Variants in CNTNAP2 observed in about 807,000 individuals in gnomAD.
The protein encoded by CNTNAP2 is contactin associated protein 2, also known as contactin-associated protein-like 2.
Under a neutral mutation model 155.2 loss-of-function variants are expected in CNTNAP2, and 98 were observed. The ratio of observed to expected loss-of-function variants is 0.63; its 90% CI spans 0.54 to 0.75. The LOEUF (loss-of-function observed/expected upper bound fraction) is 0.75. CNTNAP2 is among the 30% of genes least tolerant of loss of function. CNTNAP2 has a pLI of 0.00. For synonymous variants in CNTNAP2, 651 were observed against 631.2 expected (o/e 1.03, Z -0.47); for missense variants, 1,727 against 1,688.1 (o/e 1.02, Z -0.40).
chr7:147,395,898 A>C (rs1156508316), intron 10 of CNTNAP2, 118 bp downstream of exon 10: 4 of 1,105,158 alleles, frequency 3.6e-6, no homozygotes, highest in Non-Finnish European at 4.1e-6. Context: ...TAAGGTGGAA[A>C]TTACCATTCA....
chr7:147,409,765 G>A (rs1363991764), intron 10 of CNTNAP2, among the ~76,000 whole-genome samples: 1 of 149,540 alleles, frequency 6.7e-6, no homozygotes, highest in African/African-American at 2.5e-5. Context: ...TTCACAAGAA[G>A]ACATACTTGA....
chr7:148,398,609 T>A (rs1037097482), intron 22 of CNTNAP2, among the ~76,000 whole-genome samples: 3 of 152,184 alleles, frequency 2.0e-5, no homozygotes, highest in Non-Finnish European at 4.4e-5. Flanking sequence ...CATCCTTGCT[T>A]GAGTCCTAAA....
chr7:147,266,398 G>C (rs1418305781), intron 8 of CNTNAP2, among the ~76,000 whole-genome samples: 1 of 152,176 alleles, frequency 6.6e-6, no homozygotes, highest in African/African-American at 2.4e-5. Context: ...AAAAGTTGTA[G>C]AGGCAGCCCC....
At chr7:148,211,068 C>T (rs762222180) in intron 18 of CNTNAP2, among the ~76,000 whole-genome samples, 4 of 152,180 alleles carry the variant, frequency 2.6e-5, no homozygotes, top group African/African-American at 4.8e-5. Flanking sequence ...CCAAGGTCCC[C>T]GGGAGCAGAA....
intron 1 of CNTNAP2, among the ~76,000 whole-genome samples, chr7:146,672,820 G>A (rs1384235958): frequency 1.3e-5 from 2 of 152,170 alleles, no homozygotes; most frequent in South Asian, 4.1e-4. Flanking sequence ...GTGTACAATT[G>A]CAATCTCATA....
At chr7:146,766,350 A>G (rs529683559) in intron 1 of CNTNAP2, among the ~76,000 whole-genome samples, 1 of 152,326 alleles carries the variant, frequency 6.6e-6, no homozygotes, top group Non-Finnish European at 1.5e-5. Flanking sequence ...TTTGGCACAC[A>G]AAATATTGAA....
chr7:147,129,539 A>G (rs1021101875), intron 7 of CNTNAP2, among the ~76,000 whole-genome samples: 1 of 152,206 alleles, frequency 6.6e-6, no homozygotes, highest in Admixed American at 6.5e-5. Flanking sequence ...CAATTTTAGT[A>G]TGAGAGTTCC....
At chr7:148,387,048 G>A (rs542036602) in intron 22 of CNTNAP2, among the ~76,000 whole-genome samples, 3 of 152,256 alleles carry the variant, frequency 2.0e-5, no homozygotes, top group East Asian at 3.9e-4. Flanking sequence ...CTTACGGTAG[G>A]TTTCTTGATC....
chr7:146,834,502 A>T (rs184456376), intron 2 of CNTNAP2, among the ~76,000 whole-genome samples: 192 of 151,196 alleles, frequency 1.3e-3, no homozygotes, highest in African/African-American at 4.4e-3. Flanking sequence ...GGAAAGACAG[A>T]TGGAGGATGG....
At chr7:148,098,374 G>T (rs1417414833) in intron 15 of CNTNAP2, among the ~76,000 whole-genome samples, 1 of 141,086 alleles carries the variant, frequency 7.1e-6, no homozygotes, top group African/African-American at 2.6e-5. Flanking sequence ...AATCCAGGAG[G>T]CAGAGGTTGC....
At chr7:146,339,255 G>T (rs562099860) in intron 1 of CNTNAP2, among the ~76,000 whole-genome samples, 7 of 151,684 alleles carry the variant, frequency 4.6e-5, no homozygotes, top group African/African-American at 1.7e-4. Flanking sequence ...ACACATATGC[G>T]TGTACATACG....
intron 12 of CNTNAP2, among the ~76,000 whole-genome samples, chr7:147,628,618 C>T (rs2116905397): frequency 6.6e-6 from 1 of 152,220 alleles, no homozygotes; most frequent in Non-Finnish European, 1.5e-5. Flanking sequence ...AACAGTACCT[C>T]ACATCTCACT....
chr7:146,778,689 T>C (rs746833796), intron 2 of CNTNAP2, among the ~76,000 whole-genome samples: 1 of 152,214 alleles, frequency 6.6e-6, no homozygotes, highest in African/African-American at 2.4e-5. Context: ...TTTTACAGAT[T>C]ATAAACTGCT....
At chr7:146,525,246 A>G (rs1199917859) in intron 1 of CNTNAP2, among the ~76,000 whole-genome samples, 1 of 152,116 alleles carries the variant, frequency 6.6e-6, no homozygotes, top group Non-Finnish European at 1.5e-5. Flanking sequence ...CAAACTGAAA[A>G]GCACTAATTG....
intron 3 of CNTNAP2, among the ~76,000 whole-genome samples, chr7:146,984,853 C>T (rs1259989492): frequency 6.6e-6 from 1 of 152,216 alleles, no homozygotes; most frequent in Admixed American, 6.5e-5. Context: ...TTTTGCATGC[C>T]GTCAGCTAAA....
At chr7:147,897,878 A>G (rs1056218922) in intron 13 of CNTNAP2, among the ~76,000 whole-genome samples, 2 of 152,234 alleles carry the variant, frequency 1.3e-5, no homozygotes, top group African/African-American at 4.8e-5. Flanking sequence ...CCTGATGGAA[A>G]AAGAAAGGAG....
intron 1 of CNTNAP2, among the ~76,000 whole-genome samples, chr7:146,402,835 T>C (rs565952263): frequency 6.6e-6 from 1 of 152,140 alleles, no homozygotes; most frequent in African/African-American, 2.4e-5. Flanking sequence ...ATATGAATCT[T>C]CCGGTTGAAT....
chr7:146,414,926 G>T (rs960081592), intron 1 of CNTNAP2, among the ~76,000 whole-genome samples: 2 of 152,060 alleles, frequency 1.3e-5, no homozygotes, highest in African/African-American at 2.4e-5. Context: ...AGTCTCTTTT[G>T]GGGGGAATAG....
chr7:146,445,087 G>A (rs1187450378), intron 1 of CNTNAP2, among the ~76,000 whole-genome samples: 1 of 146,978 alleles, frequency 6.8e-6, no homozygotes, highest in Non-Finnish European at 1.5e-5. Flanking sequence ...ACAGTTTCCA[G>A]GAAGGGTCAG....
Sources: allele counts gnomAD v4.1 joint callset (sites outside exome capture counted in the v4.1 genomes callset), GRCh38; gene constraint gnomAD v4.1.1; transcripts MANE v1.5; gene names NCBI Gene and HGNC (gene_info 2026-07-23, HGNC 2026-07-21).